IL17RD: variants seen among roughly 807,000 people sequenced by gnomAD.
IL17RD encodes interleukin 17 receptor D.
Under a neutral mutation model 80.5 loss-of-function variants are expected in IL17RD, and 52 were observed. That is an observed-to-expected ratio of 0.65 (90% CI 0.52 to 0.81). IL17RD has a LOEUF of 0.81. IL17RD is among the 40% of genes least tolerant of loss of function. IL17RD has a pLI of 0.00. For synonymous variants in IL17RD, 416 were observed against 391.8 expected, an observed-to-expected ratio of 1.06 and a Z score of -0.73; for missense variants, 1,024 against 955.1, an observed-to-expected ratio of 1.07 and a Z score of -0.95.
At chr3:57,124,771 T>C (rs993109142) in intron 1 of IL17RD, among the ~76,000 whole-genome samples, 4 of 152,322 alleles carry the variant, frequency 2.6e-5, no homozygotes, top group African/African-American at 7.2e-5. Flanking sequence ...TATACACTCA[T>C]ATAATTTCAG....
In IL17RD at chr3:57,137,293, G is replaced by A. The variant is rs530321568; in HGVS notation, c.127-16980C>T. 6.6e-5 allele frequency among the ~76,000 whole-genome samples: 10 copies of A among 152,352 alleles called. No homozygotes were observed. The East Asian group carries it at 1.9e-3, about 29-fold the overall frequency. ...CTGAAAAGATGGGCACCATAGGGCT[G>A]AAATAGCCAAGTGGGTTCAGCTTTG... On this transcript the variant is annotated intron_variant, in intron 1 of 12. Coordinates refer to ENST00000296318, the MANE Select transcript of IL17RD (RefSeq NM_017563.5).
In IL17RD at chr3:57,139,236, C is replaced by T. The variant is rs78165657; in HGVS notation, c.127-18923G>A. Reference sequence around the variant, plus strand: ...TGTGAGACTACCCATAGTTAGGGCACGCATGGAGGAAAAAGATTGAAAAAG... The same window carrying T: ...TGTGAGACTACCCATAGTTAGGGCATGCATGGAGGAAAAAGATTGAAAAAG... On this transcript the variant is annotated intron_variant, in intron 1 of 12. Transcript: ENST00000296318. 4.8e-4 allele frequency among the ~76,000 whole-genome samples: 73 copies of T among 151,752 alleles called. 1 individual carries two copies. In the East Asian group the frequency reaches 0.012, roughly 25 times the overall value.
intron 1 of IL17RD, among the ~76,000 whole-genome samples, chr3:57,164,297 C>T (rs1214516405): frequency 6.6e-6 from 1 of 152,126 alleles, no homozygotes; most frequent in African/African-American, 2.4e-5. Flanking sequence ...GTTCTGGGGC[C>T]GCCCAAGGCC....
At chr3:57,108,791 C>A (rs1308815968) in intron 5 of IL17RD, among the ~76,000 whole-genome samples, 1 of 151,924 alleles carries the variant, frequency 6.6e-6, no homozygotes, top group African/African-American at 2.4e-5. Flanking sequence ...GTTGGGATTA[C>A]AGGCATGAGC....
chr3:57,101,913 A>C (rs1280033214), intron 10 of IL17RD, among the ~76,000 whole-genome samples: 1 of 152,094 alleles, frequency 6.6e-6, no homozygotes, highest in Non-Finnish European at 1.5e-5. Context: ...CTATATCCTT[A>C]CTTATACTTC....
Position 57,098,600 on chromosome 3 carries a change from G to A in IL17RD, c.1165-62C>T, listed in dbSNP as rs1028614597. On this transcript the variant is annotated intron_variant, in intron 11 of 12. Coordinates refer to ENST00000296318, the MANE Select transcript of IL17RD (RefSeq NM_017563.5). ...GCTCGGGAAGAGGCTCGGGAAGTGA[G>A]TAACAGGAAGGGAAATGTCAGAAGG... The A allele has an allele frequency of 8.1e-6, 9 of 1,108,674 alleles. No individual in the cohort carries two copies. The African/African-American group carries it at 9.4e-5, about 12-fold the overall frequency. 68.7% of individuals were successfully genotyped at this position (1,108,674 alleles called of 1,614,324 possible). A position where few individuals can be genotyped will look rare whatever the true frequency, so the allele number is the denominator to read the frequency against.
intron 8 of IL17RD, among the ~76,000 whole-genome samples, chr3:57,103,370 CATGTT>C (rs2107472130): frequency 6.6e-6 from 1 of 152,282 alleles, no homozygotes; most frequent in African/African-American, 2.4e-5. Context: ...CTAAGTTCAT[CATGTT>C]TTCTTTTATT....
intron 3 of IL17RD, among the ~76,000 whole-genome samples, chr3:57,114,012 C>T (rs1424089669): frequency 6.6e-6 from 1 of 151,722 alleles, no homozygotes. Context: ...GGTGAAACCC[C>T]ATCTCTACTA....
intron 2 of IL17RD, among the ~76,000 whole-genome samples, chr3:57,115,124 T>A (rs1288446894): frequency 2.0e-5 from 3 of 152,214 alleles, no homozygotes; most frequent in African/African-American, 7.2e-5. Flanking sequence ...TAACTTTTTT[T>A]AGACCTAAAT....
At chr3:57,166,766 C>T (rs11714715), upstream of IL17RD, among the ~76,000 whole-genome samples, 2 of 152,144 alleles carry the variant, frequency 1.3e-5, no homozygotes, top group Non-Finnish European at 2.9e-5. Context: ...CTTTTTGCCT[C>T]AGGAAACCTT....
At chr3:57,122,535 G>A (rs1404687989) in intron 1 of IL17RD, among the ~76,000 whole-genome samples, 2 of 152,204 alleles carry the variant, frequency 1.3e-5, no homozygotes, top group South Asian at 2.1e-4. Flanking sequence ...ATTGTGAACT[G>A]TGCATACGAG....
At chr3:57,106,246 C>T (rs551825755) in intron 5 of IL17RD, 92 bp from the exon 6 acceptor site, 2 of 888,040 alleles carry the variant, frequency 2.3e-6, no homozygotes, top group Admixed American at 2.1e-5. Flanking sequence ...AGATACTGTG[C>T]CGGGTGATGC....
rs1476931740 is a variant in IL17RD at position 57,093,820 on chromosome 3, A to T, written c.*2573T>A. ...ACCTCCTTGATCACTCTCCTGGCAA[A>T]GCTGATGACATCAGATGCTAAGTCC... On this transcript the variant is annotated 3_prime_UTR_variant, in exon 13 of 13. Transcript: ENST00000296318. 6.6e-6 allele frequency: 1 copy of T among 152,214 alleles called. No homozygotes were observed. The highest frequency in any genetic ancestry group is 1.5e-5 in the Non-Finnish European group (1 of 68,052). 9.4% of individuals were successfully genotyped at this position (152,214 alleles called of 1,614,324 possible). A position where few individuals can be genotyped will look rare whatever the true frequency, so the allele number is the denominator to read the frequency against.
chr3:57,128,642 G>A (rs545459188), intron 1 of IL17RD, among the ~76,000 whole-genome samples: 13 of 150,852 alleles, frequency 8.6e-5, no homozygotes, highest in East Asian at 4.5e-4. Context: ...TTGTTTCTCC[G>A]ACAGCAACTT....
chr3:57,165,084 G>A (rs1027665368), intron 1 of IL17RD, 77 bp downstream of exon 1: 29 of 1,390,392 alleles, frequency 2.1e-5, no homozygotes, highest in Middle Eastern at 5.2e-4. Context: ...GCGCGGGCTC[G>A]CCTCCCCGCG....
At chr3:57,154,417 C>CCG (rs2060254079) in intron 1 of IL17RD, among the ~76,000 whole-genome samples, 1 of 147,150 alleles carries the variant, frequency 6.8e-6, no homozygotes, top group South Asian at 2.3e-4. Flanking sequence ...GTTCGCTGGC[C>CCG]TGCTGCCCCC....
chr3:57,104,235 G>C (rs1398992044), intron 8 of IL17RD, 107 bp downstream of exon 8: 7 of 742,944 alleles, frequency 9.4e-6, no homozygotes, highest in South Asian at 8.4e-5. Context: ...AAATATAACT[G>C]TGCACACCTT....
At chr3:57,116,265 ATTTCTTTTTTTCT>A (rs1425423992) in intron 2 of IL17RD, among the ~76,000 whole-genome samples, 1 of 139,290 alleles carries the variant, frequency 7.2e-6, no homozygotes, top group Non-Finnish European at 1.5e-5. Flanking sequence ...TCATATTTAC[ATTTCTTTTTTTCT>A]TTTCTTTTTT....
At chr3:57,155,342 A>G (rs951932413) in intron 1 of IL17RD, among the ~76,000 whole-genome samples, 10 of 152,172 alleles carry the variant, frequency 6.6e-5, no homozygotes, top group African/African-American at 2.4e-4. Context: ...AGCACAGGGT[A>G]AAGTAGACAG....
Sources: gnomAD v4.1 joint callset for allele counts (sites outside exome capture counted in the v4.1 genomes callset) on GRCh38, gnomAD v4.1.1 for gene constraint, MANE v1.5 for transcripts, NCBI Gene and HGNC (gene_info 2026-07-23, HGNC 2026-07-21) for gene names.